MED14: variants seen among roughly 807,000 people sequenced by gnomAD.
MED14 encodes mediator complex subunit 14, also known as mediator of RNA polymerase II transcription subunit 14.
A neutral mutation model predicts 109.0 loss-of-function variants in MED14; 8 were observed. The observed-to-expected ratio is 0.07, with a 90% CI of 0.04 to 0.13. The LOEUF is 0.13. MED14 is among the 10% of genes least tolerant of loss of function. The probability of loss-of-function intolerance (pLI) is 1.00; values close to 1 mark genes in which losing one functional copy is unlikely to be tolerated. For synonymous variants in MED14, 399 were observed against 408.7 expected (o/e 0.98, Z 0.29); for missense variants, 711 against 1,142.4 (o/e 0.62, Z 5.44).
chrX:40,680,337 A>G (rs1930066042), intron 20 of MED14, among the ~76,000 whole-genome samples: 1 of 111,640 alleles, frequency 9.0e-6, no homozygotes, highest in Non-Finnish European at 1.9e-5. Context: ...GATATAAAAG[A>G]CAAAATTATC....
At chrX:40,723,842 T>G (rs1005314417) in intron 3 of MED14, among the ~76,000 whole-genome samples, 1 of 110,299 alleles carries the variant, frequency 9.1e-6, no homozygotes, top group African/African-American at 3.3e-5. Flanking sequence ...AAATCTCTAC[T>G]TATCAATAAT....
At chrX:40,692,105 T>C in intron 15 of MED14, 78 bp downstream of exon 15, 3 of 937,312 alleles carry the variant, frequency 3.2e-6, no homozygotes, top group Non-Finnish European at 4.4e-6. Flanking sequence ...CCTAATGGAA[T>C]CTATATATAC....
At chrX:40,658,940 G>A (rs1929170298) in intron 28 of MED14, among the ~76,000 whole-genome samples, 1 of 111,572 alleles carries the variant, frequency 9.0e-6, no homozygotes, top group African/African-American at 3.3e-5. Context: ...GCAAGCCATG[G>A]TAACTCTGGT....
chrX:40,659,702 T>C (rs1204590824), intron 26 of MED14, 95 bp from the exon 27 acceptor site: 25 of 863,526 alleles, frequency 2.9e-5, no homozygotes, highest in Middle Eastern at 3.1e-4. Flanking sequence ...ACTAAGTTGA[T>C]ACCTATTCCA....
chrX:40,697,680 TTATC>T (rs1428517092), intron 12 of MED14, among the ~76,000 whole-genome samples: 11 of 112,000 alleles, frequency 9.8e-5, no homozygotes, highest in African/African-American at 3.6e-4. Flanking sequence ...TTTTATTTGA[TTATC>T]TATCCTTGAA....
chrX:40,662,839 C>T, intron 26 of MED14, 86 bp downstream of exon 26: 2 of 655,084 alleles, frequency 3.1e-6, no homozygotes, highest in Middle Eastern at 8.9e-4. Flanking sequence ...GAAGGAATGT[C>T]ACGTTAGTTC....
At chrX:40,664,237 T>A in intron 25 of MED14, 70 bp downstream of exon 25, 2 of 992,781 alleles carry the variant, frequency 2.0e-6, no homozygotes, top group Non-Finnish European at 2.8e-6. Context: ...CTTTCAAATG[T>A]GAGGATGCAA....
intron 21 of MED14, among the ~76,000 whole-genome samples, chrX:40,676,126 A>T (rs1194782282): frequency 9.0e-6 from 1 of 111,699 alleles, no homozygotes; most frequent in Admixed American, 9.5e-5. Context: ...TCTACAAAAA[A>T]TAGAAAAATC....
chrX:40,683,048 T>G, intron 16 of MED14, 52 bp from the exon 17 acceptor site: 1 of 1,024,424 alleles, frequency 9.8e-7, no homozygotes. Context: ...CAAAGCACAA[T>G]GTACACAATG....
Position 40,650,153 on chromosome X carries a change from G to C in MED14, c.*1653C>G, listed in dbSNP as rs755278292. The C allele has an allele frequency of 3.9e-5, 29 of 750,642 alleles. No individual in the cohort carries two copies. The highest frequency in any genetic ancestry group is 4.4e-5 in the Non-Finnish European group (28 of 637,023). 61.9% of individuals were successfully genotyped at this position (750,642 alleles called of 1,213,427 possible). A position where few individuals can be genotyped will look rare whatever the true frequency, so the allele number is the denominator to read the frequency against. ...TTGCCAAACTGATGTGATTACCACT[G>C]TAAGAACTAAAAACAGAAGGATAAA... is the stretch of plus-strand genomic sequence containing the variant. On this transcript the variant is annotated 3_prime_UTR_variant, in exon 31 of 31. Transcript: ENST00000324817.
intron 13 of MED14, among the ~76,000 whole-genome samples, chrX:40,695,709 A>T (rs192267488): frequency 8.9e-6 from 1 of 112,077 alleles, no homozygotes; most frequent in African/African-American, 3.2e-5. Context: ...GAACTGAAAC[A>T]ATAGTCTTTT....
At chrX:40,730,940 C>T (rs920659003) in intron 1 of MED14, among the ~76,000 whole-genome samples, 5 of 107,573 alleles carry the variant, frequency 4.6e-5, no homozygotes, top group African/African-American at 6.8e-5. Context: ...CGCTTGAGTC[C>T]GGGAGTTTGG....
intron 18 of MED14, among the ~76,000 whole-genome samples, 199 bp from the exon 19 acceptor site, chrX:40,682,142 T>C (rs1019557207): frequency 9.0e-6 from 1 of 111,608 alleles, no homozygotes; most frequent in Non-Finnish European, 1.9e-5. Flanking sequence ...GTAGGTGAGA[T>C]ATACTGAAGC....
Position 40,712,268 on chromosome X carries a change from C to T in MED14, c.807G>A (p.Met269Ile), listed in dbSNP as rs773864425. The change falls in exon 7 of 31, where the codon ATG becomes ATA. Residue 269 changes from methionine to isoleucine, a missense_variant. Physicochemically the swap from Met to Ile is conservative, Grantham distance 10. Around this residue, in one of 8 missense-constraint regions of MED14, gnomAD observed 388 missense variants for 517.3 expected, o/e 0.75. Transcript: ENST00000324817. ...TGDGRALVHS[M>I]QISFIHQLVQ... ...CCAGTTGATGGATGAAGCTGATTTG[C>T]ATGCTATGAACCAAAGCTCGCCCAT... 48 of 1,205,652 alleles carry T rather than the reference C, an allele frequency of 4.0e-5. No individual in the cohort carries two copies. Among genetic ancestry groups the T allele is most frequent in the Non-Finnish European group, 4.9e-5 (44 of 893,089 alleles).
chrX:40,707,936 A>G (rs1347835974), intron 10 of MED14, among the ~76,000 whole-genome samples: 2 of 112,019 alleles, frequency 1.8e-5, no homozygotes, highest in African/African-American at 6.5e-5. Context: ...AGAAAAAAAG[A>G]CGAAAAGGCA....
intron 2 of MED14, 96 bp from the exon 3 acceptor site, chrX:40,726,947 G>T: frequency 1.4e-6 from 1 of 733,747 alleles, no homozygotes; most frequent in South Asian, 2.8e-5. Flanking sequence ...AAATAAATCA[G>T]CCTTTGCTTA....
At chrX:40,653,386 A>G (rs1928943688) in intron 30 of MED14, among the ~76,000 whole-genome samples, 1 of 112,163 alleles carries the variant, frequency 8.9e-6, no homozygotes, top group South Asian at 3.7e-4. Context: ...TTCCTTATAC[A>G]TTAAAGTGAG....
intron 15 of MED14, among the ~76,000 whole-genome samples, chrX:40,689,259 A>G (rs765947968): frequency 8.9e-6 from 1 of 112,212 alleles, no homozygotes; most frequent in East Asian, 2.8e-4. Flanking sequence ...CAGGTATTTG[A>G]GTGAGCCCTG....
intron 16 of MED14, among the ~76,000 whole-genome samples, chrX:40,684,838 C>T (rs1017547559): frequency 3.6e-5 from 4 of 112,055 alleles, no homozygotes; most frequent in South Asian, 3.7e-4. Flanking sequence ...TTAGGGACAG[C>T]GGAACCCTGA....
Sources: gnomAD v4.1 joint callset for allele counts (sites outside exome capture counted in the v4.1 genomes callset) on GRCh38, gnomAD v4.1.1 for gene constraint, gnomAD v4.1.1 regional missense constraint, MANE v1.5 for transcripts, NCBI Gene and HGNC (gene_info 2026-07-23, HGNC 2026-07-21) for gene names.